Variants in RBFOX1 observed in about 807,000 individuals in gnomAD.
The protein encoded by RBFOX1 is RNA binding protein fox-1 homolog 1.
RBFOX1 carries 8 observed loss-of-function variants against 57.7 expected under a neutral mutation model. The observed-to-expected ratio is 0.14, with a 90% CI of 0.08 to 0.25. The LOEUF (loss-of-function observed/expected upper bound fraction) is 0.25. Among genes scored for constraint, RBFOX1 ranks in the 10% least tolerant of loss-of-function variants. The probability of loss-of-function intolerance (pLI) is 1.00; values close to 1 mark genes in which losing one functional copy is unlikely to be tolerated. For synonymous variants in RBFOX1, 326 were observed against 222.4 expected (o/e 1.47, Z -4.15); for missense variants, 611 against 548.5 (o/e 1.11, Z -1.14).
intron 3 of RBFOX1, among the ~76,000 whole-genome samples, chr16:6,845,452 C>T (rs1006843629): frequency 5.9e-5 from 9 of 152,116 alleles, no homozygotes; most frequent in Non-Finnish European, 1.0e-4. Context: ...TTCCCCATTG[C>T]TTGTTTTTGT....
chr16:7,124,594 T>G (rs1343366339), intron 4 of RBFOX1, among the ~76,000 whole-genome samples: 1 of 140,016 alleles, frequency 7.1e-6, no homozygotes, highest in Non-Finnish European at 1.5e-5. Flanking sequence ...TGTAATAAGT[T>G]GTGAGTTTTC....
chr16:7,607,038 G>T (rs2095309658), intron 9 of RBFOX1, among the ~76,000 whole-genome samples: 1 of 152,060 alleles, frequency 6.6e-6, no homozygotes, highest in Admixed American at 6.6e-5. Context: ...ATTTTCAAAG[G>T]GTTCACTTGT....
intron 1 of RBFOX1, among the ~76,000 whole-genome samples, chr16:5,401,789 C>CTCCTCT (rs973618167): frequency 1.3e-5 from 2 of 150,174 alleles, no homozygotes; most frequent in Admixed American, 6.7e-5. Context: ...CCTCCTCCTC[C>CTCCTCT]TCCTCTTTCT....
At chr16:7,633,090 T>C (rs894916603) in intron 11 of RBFOX1, among the ~76,000 whole-genome samples, 2 of 152,170 alleles carry the variant, frequency 1.3e-5, no homozygotes, top group Non-Finnish European at 2.9e-5. Context: ...ACAAGGCTTA[T>C]GAATGAAGAA....
At chr16:5,968,445 T>G (rs1324163332) in intron 4 of RBFOX1, among the ~76,000 whole-genome samples, 1 of 152,204 alleles carries the variant, frequency 6.6e-6, no homozygotes, top group Admixed American at 6.5e-5. Flanking sequence ...GTTTACAGTT[T>G]ATATCCTTTC....
At chr16:5,312,889 C>G (rs540400529) in intron 1 of RBFOX1, among the ~76,000 whole-genome samples, 47 of 152,314 alleles carry the variant, frequency 3.1e-4, no homozygotes, top group African/African-American at 1.0e-3. Flanking sequence ...ATTGCAGGAT[C>G]TGATTTGCAG....
In RBFOX1 at chr16:6,686,999, G is replaced by A. The variant is rs77998316; in HGVS notation, c.-16+32349G>A. ...ATTATATATAACAAACCAATAATATGTCGTCATGGAAAAGCATGGTTAAAC... is the reference window on the plus strand; with the variant it reads ...ATTATATATAACAAACCAATAATATATCGTCATGGAAAAGCATGGTTAAAC... On this transcript the variant is annotated intron_variant, in intron 3 of 15. Coordinates refer to ENST00000550418, the MANE Select transcript of RBFOX1 (RefSeq NM_018723.4). Among the ~76,000 whole-genome samples the A allele has an allele frequency of 4.4e-3, 672 of 152,276 alleles. 6 individuals carry two copies. Among genetic ancestry groups the A allele is most frequent in the Middle Eastern group, 0.017 (5 of 294 alleles).
intron 3 of RBFOX1, among the ~76,000 whole-genome samples, chr16:5,683,762 A>G (rs1251744362): frequency 2.0e-5 from 3 of 148,304 alleles, no homozygotes; most frequent in Non-Finnish European, 4.5e-5. Flanking sequence ...TATATAATAT[A>G]TAATATATAT....
chr16:6,598,239 C>T (rs2097797700), intron 2 of RBFOX1, among the ~76,000 whole-genome samples: 1 of 152,134 alleles, frequency 6.6e-6, no homozygotes, highest in African/African-American at 2.4e-5. Flanking sequence ...TCTAACTTGC[C>T]TTTTTTTCAT....
chr16:5,685,638 T>C (rs2050482047), intron 3 of RBFOX1, among the ~76,000 whole-genome samples: 2 of 152,172 alleles, frequency 1.3e-5, no homozygotes, highest in African/African-American at 4.8e-5. Context: ...CATTTCTTTT[T>C]TGTGTGAAAA....
intron 1 of RBFOX1, among the ~76,000 whole-genome samples, chr16:6,128,323 C>T (rs1390931179): frequency 1.3e-5 from 2 of 151,596 alleles, no homozygotes; most frequent in Non-Finnish European, 1.5e-5. Context: ...TTTATTTTAC[C>T]CTATTACTCT....
At chr16:6,905,926 C>A (rs1005802013) in intron 3 of RBFOX1, among the ~76,000 whole-genome samples, 2 of 152,180 alleles carry the variant, frequency 1.3e-5, no homozygotes, top group Non-Finnish European at 2.9e-5. Context: ...ACATTGACTT[C>A]CTTCTGCCCT....
chr16:7,672,401 C>T (rs1036299760), intron 13 of RBFOX1, among the ~76,000 whole-genome samples: 2 of 152,072 alleles, frequency 1.3e-5, no homozygotes, highest in African/African-American at 2.4e-5. Flanking sequence ...GAGTGAATTA[C>T]GAAAGTACTT....
chr16:5,650,902 C>T (rs1476039540), intron 3 of RBFOX1, among the ~76,000 whole-genome samples: 9 of 150,262 alleles, frequency 6.0e-5, no homozygotes, highest in Non-Finnish European at 1.3e-4. Flanking sequence ...CCTGTCTCCT[C>T]ACTCTCTCCT....
At chr16:5,489,066 C>A (rs1307153548) in intron 2 of RBFOX1, among the ~76,000 whole-genome samples, 2 of 152,164 alleles carry the variant, frequency 1.3e-5, no homozygotes, top group South Asian at 2.1e-4. Flanking sequence ...CCTAACTTGC[C>A]CACAGTCACA....
chr16:6,759,120 A>G (rs2076225851), intron 3 of RBFOX1, among the ~76,000 whole-genome samples: 1 of 151,336 alleles, frequency 6.6e-6, no homozygotes, highest in South Asian at 2.1e-4. Flanking sequence ...TGGAGTAGAA[A>G]AAGTGGAGTT....
Position 6,506,540 on chromosome 16 carries a change from C to T in RBFOX1, c.-63-148063C>T, listed in dbSNP as rs74005244. Among the ~76,000 whole-genome samples, 317 of 149,178 alleles carry T rather than the reference C, an allele frequency of 2.1e-3. 2 individuals carry two copies. The highest frequency in any genetic ancestry group is 7.7e-3 in the African/African-American group (307 of 40,114). On this transcript the variant is annotated intron_variant, in intron 2 of 15. Transcript: ENST00000550418. ...GTGGGGACCATTTATAAACTTGGGA[C>T]ATCTATGGACCCACAGTGTAGTCTA...
chr16:6,764,094 A>G (rs1354968766), intron 3 of RBFOX1, among the ~76,000 whole-genome samples: 1 of 152,218 alleles, frequency 6.6e-6, no homozygotes, highest in African/African-American at 2.4e-5. Flanking sequence ...TCTTAAAGGT[A>G]TGTGCATTTT....
chr16:7,305,157 C>T (rs1254141601), intron 4 of RBFOX1, among the ~76,000 whole-genome samples: 2 of 151,760 alleles, frequency 1.3e-5, no homozygotes. Flanking sequence ...TTTTCCCTTT[C>T]ACTTCTCCTT....
Sources: gnomAD v4.1 joint callset for allele counts (sites outside exome capture counted in the v4.1 genomes callset) on GRCh38, gnomAD v4.1.1 for gene constraint, MANE v1.5 for transcripts, NCBI Gene and HGNC (gene_info 2026-07-23, HGNC 2026-07-21) for gene names.